SKOR2: variants seen among roughly 807,000 people sequenced by gnomAD.
The protein encoded by SKOR2 is LBX1 corepressor 1-like protein.
A neutral mutation model predicts 69.1 loss-of-function variants in SKOR2; 47 were observed. The ratio of observed to expected loss-of-function variants is 0.68; its 90% CI spans 0.54 to 0.87. The LOEUF (loss-of-function observed/expected upper bound fraction) is 0.87, where lower values mean the gene tolerates loss of function less well. Ranked by LOEUF, SKOR2 falls within the 40% of genes least tolerant of loss-of-function variation. SKOR2 has a pLI of 0.00. For synonymous variants in SKOR2, 717 were observed against 672.6 expected (o/e 1.07, Z -1.02); for missense variants, 1,404 against 1,472.2 (o/e 0.95, Z 0.76).
At chr18:47,232,696 G>A (rs960408731) in intron 4 of SKOR2, among the ~76,000 whole-genome samples, 27 of 152,172 alleles carry the variant, frequency 1.8e-4, no homozygotes, top group African/African-American at 6.0e-4. Flanking sequence ...CTAGCACAGC[G>A]CTGAACATAC....
intron 1 of SKOR2, 137 bp from the exon 2 acceptor site, chr18:47,249,367 A>C: frequency 1.2e-6 from 1 of 819,480 alleles, no homozygotes; most frequent in Non-Finnish European, 1.8e-6. Flanking sequence ...AAAGTGACCA[A>C]GTTTTGAACA....
In SKOR2 at chr18:47,230,457, A is replaced by G; in HGVS notation, c.2917+2T>C. 7.2e-7 allele frequency: 1 copy of G among 1,393,532 alleles called. No homozygotes were observed. Among genetic ancestry groups the G allele is most frequent in the Non-Finnish European group, 9.3e-7 (1 of 1,074,538 alleles). The allele number at this position is 1,393,532 out of a possible 1,614,324, so 86.3% of individuals were successfully genotyped here. On this transcript the variant is annotated splice_donor_variant, in intron 6 of 8. Coordinates refer to ENST00000425639, the MANE Select transcript of SKOR2 (RefSeq NM_001278063.4). LOFTEE classifies it high-confidence loss of function. ...TACAATGAAATAAAAGTGATTTCTT[A>G]CTGAATACTGGGAAAGATGTGTTTC...
chr18:47,230,414 G>T, intron 6 of SKOR2, 45 bp downstream of exon 6: 2 of 1,120,724 alleles, frequency 1.8e-6, no homozygotes, highest in Non-Finnish European at 2.3e-6. Context: ...TAATAGAAAC[G>T]TAATCAATTA....
chr18:47,246,271 A>G (rs2064272494), intron 2 of SKOR2, among the ~76,000 whole-genome samples: 1 of 152,172 alleles, frequency 6.6e-6, no homozygotes, highest in Non-Finnish European at 1.5e-5. Context: ...GGATTGTTGG[A>G]TTAGAGGAAG....
At chr18:47,213,944 T>C (rs2064135839) in intron 7 of SKOR2, among the ~76,000 whole-genome samples, 1 of 152,194 alleles carries the variant, frequency 6.6e-6, no homozygotes. Flanking sequence ...GGATCACTTC[T>C]CTAGATGCAT....
In SKOR2 at chr18:47,249,201, G is replaced by A. The variant is rs181508916; in HGVS notation, c.-18C>T. 7.6e-4 allele frequency: 1,168 copies of A among 1,530,584 alleles called. 1 individual carries two copies. The highest frequency in any genetic ancestry group is 9.4e-4 in the Non-Finnish European group (1,074 of 1,144,058). The allele number at this position is 1,530,584 out of a possible 1,614,324, so 94.8% of individuals were successfully genotyped here. A position where few individuals can be genotyped will look rare whatever the true frequency, so the allele number is the denominator to read the frequency against. On this transcript the variant is annotated 5_prime_UTR_variant, in exon 2 of 9. Coordinates refer to ENST00000425639, the MANE Select transcript of SKOR2 (RefSeq NM_001278063.4). ...GAAGCCATCTCCGCCGCAGAACCCC[G>A]GGCCGAGCCCTACAGGTCTGCCTTG...
chr18:47,245,475 C>G (rs1600047783), intron 3 of SKOR2, 23 bp downstream of exon 3: 1 of 590,656 alleles, frequency 1.7e-6, no homozygotes, highest in Non-Finnish European at 2.2e-6. Context: ...AAAGTGGCAG[C>G]TGATTTTTTT....
intron 8 of SKOR2, among the ~76,000 whole-genome samples, chr18:47,208,999 C>T (rs1052526124): frequency 1.4e-4 from 22 of 152,018 alleles, no homozygotes; most frequent in African/African-American, 4.3e-4. Context: ...ATCTTTATGG[C>T]GTTATCAAGG....
intron 4 of SKOR2, among the ~76,000 whole-genome samples, chr18:47,231,843 CAAA>C (rs11342275): frequency 4.6e-5 from 6 of 130,910 alleles, no homozygotes; most frequent in South Asian, 2.5e-4. Flanking sequence ...AACTCCATCT[CAAA>C]AAAAAAAAAA....
chr18:47,247,018 G>T lies in SKOR2; in HGVS notation c.2166C>A (p.Thr722=), dbSNP rs938673876. Residue 722 remains threonine, a synonymous_variant, in exon 2 of 9, where the codon ACC becomes ACA. Coordinates refer to ENST00000425639, the MANE Select transcript of SKOR2 (RefSeq NM_001278063.4). This position sits in a 1 kb window ranked among gnomAD's most constrained non-coding sequence, Gnocchi z 6.6. The part of the protein sequence containing the change: ...HHRGLLSPGG[T]SCCYPSEDSS... ...TGTCCTCGCTGGGGTAGCAGCAGCT[G>T]GTTCCCCCGGGAGACAGAAGGCCTC... 6 of 1,492,772 alleles carry T rather than the reference G, an allele frequency of 4.0e-6. No homozygotes were observed. The highest frequency in any genetic ancestry group is 2.9e-5 in the African/African-American group (2 of 68,676). The allele number at this position is 1,492,772 out of a possible 1,614,324, so 92.5% of individuals were successfully genotyped here.
rs1466288061 is a variant in SKOR2, at chr18:47,247,609, G to A, written c.1575C>T (p.Ala525=). ...GCGGGGGCTGCCCCGGCGGGGGCGC[G>A]GCCTCGGCGCTCCCAGCAGCACCGC... The part of the protein sequence containing the change: ...EPGGAAGSAE[A]APPPGQPPQV... The change falls in exon 2 of 9, where the codon GCC becomes GCT. Residue 525 remains alanine, a synonymous_variant. Coordinates refer to ENST00000425639, the MANE Select transcript of SKOR2 (RefSeq NM_001278063.4). The surrounding 1 kb of genome is among the most constrained non-coding windows in gnomAD (Gnocchi z 6.6). 1.6e-6 allele frequency: 2 copies of A among 1,273,672 alleles called. No individual in the cohort carries two copies. Among genetic ancestry groups the A allele is most frequent in the South Asian group, 2.7e-5 (1 of 37,158 alleles). The allele number at this position is 1,273,672 out of a possible 1,614,324, so 78.9% of individuals were successfully genotyped here.
Position 47,238,139 on chromosome 18 carries a change from TCCCAG to T in SKOR2, c.2752+6764_2752+6768del, listed in dbSNP as rs1568088559. Among the ~76,000 whole-genome samples the T allele has an allele frequency of 6.6e-5, 10 of 152,218 alleles. No individual in the cohort carries two copies. The East Asian group carries it at 1.5e-3, about 24-fold the overall frequency. ...TATCACTGAAAGGGCTATTATGTCC[TCCCAG>T]TACTATTGTTGACACTTCATGAAAA... is the stretch of plus-strand genomic sequence containing the variant. On this transcript the variant is annotated intron_variant, in intron 4 of 8. Coordinates refer to ENST00000425639, the MANE Select transcript of SKOR2 (RefSeq NM_001278063.4).
At chr18:47,213,336 C>T (rs2064133634) in intron 7 of SKOR2, among the ~76,000 whole-genome samples, 1 of 148,694 alleles carries the variant, frequency 6.7e-6, no homozygotes, top group Admixed American at 6.7e-5. Context: ...GAAATAAAAT[C>T]ACTTTCATTC....
chr18:47,232,888 G>C (rs1287331106), intron 4 of SKOR2, among the ~76,000 whole-genome samples: 2 of 152,146 alleles, frequency 1.3e-5, no homozygotes, highest in Non-Finnish European at 2.9e-5. Context: ...AGATTTCTTT[G>C]CTGAGGTAAA....
chr18:47,229,293 A>G (rs993843554), intron 6 of SKOR2, among the ~76,000 whole-genome samples: 2 of 152,212 alleles, frequency 1.3e-5, no homozygotes, highest in Non-Finnish European at 2.9e-5. Flanking sequence ...ATTAATAACA[A>G]GAAGCATGCT....
At chr18:47,235,795 A>AC (rs1568087874) in intron 4 of SKOR2, among the ~76,000 whole-genome samples, 1 of 151,484 alleles carries the variant, frequency 6.6e-6, no homozygotes, top group Admixed American at 6.6e-5. Flanking sequence ...AAAAAAAAAA[A>AC]AAAAAACAGC....
intron 4 of SKOR2, 77 bp from the exon 5 acceptor site, chr18:47,231,077 A>T: frequency 6.5e-7 from 1 of 1,535,110 alleles, no homozygotes; most frequent in African/African-American, 1.4e-5. Context: ...TTTTCTTTTA[A>T]TATCTGCAAA....
At chr18:47,227,213 T>G (rs2064181570) in intron 6 of SKOR2, among the ~76,000 whole-genome samples, 1 of 150,630 alleles carries the variant, frequency 6.6e-6, no homozygotes, top group Non-Finnish European at 1.5e-5. Context: ...CTACCCTTCC[T>G]CCTCCTCCTC....
At position 47,247,352 on chromosome 18, in the gene SKOR2, C is replaced by A; in HGVS notation, c.1832G>T (p.Arg611Leu). 1 of 1,469,272 alleles carries A rather than the reference C, an allele frequency of 6.8e-7. No individual in the cohort carries two copies. Among genetic ancestry groups the A allele is most frequent in the Non-Finnish European group, 9.0e-7 (1 of 1,116,130 alleles). 91.0% of individuals were successfully genotyped at this position (1,469,272 alleles called of 1,614,324 possible). A position where few individuals can be genotyped will look rare whatever the true frequency, so the allele number is the denominator to read the frequency against. The change falls in exon 2 of 9, where the codon CGC (arginine) becomes CTC (leucine). Residue 611 changes from arginine to leucine, a missense_variant. By Grantham distance (102) the Arg-to-Leu change is moderately radical. This residue lies in a region of SKOR2 where 1,266 missense variants were observed against 1,309.9 expected (regional missense o/e 0.97). Coordinates refer to ENST00000425639, the MANE Select transcript of SKOR2 (RefSeq NM_001278063.4). The surrounding 1 kb of genome is among the most constrained non-coding windows in gnomAD (Gnocchi z 6.6). ...GTGGTAGCTGCCACCGCCCGCTTTG[C>A]GCCCCTCCAGAAGGTGCGGATGGTG... The part of the protein sequence containing the change: ...APHHPHLLEG[R>L]KAGGGSYHHS...
Sources: allele counts gnomAD v4.1 joint callset (sites outside exome capture counted in the v4.1 genomes callset), GRCh38; gene constraint gnomAD v4.1.1; regional missense constraint gnomAD v4.1.1; non-coding constraint Gnocchi (gnomAD v3.1); transcripts MANE v1.5; gene names NCBI Gene and HGNC (gene_info 2026-07-23, HGNC 2026-07-21).